Variants in MCTP2 observed in about 807,000 individuals in gnomAD.
The protein encoded by MCTP2 is multiple C2 and transmembrane domain containing 2.
A neutral mutation model predicts 111.6 loss-of-function variants in MCTP2; 132 were observed. The observed-to-expected ratio is 1.18, with a 90% confidence interval of 1.03 to 1.37. MCTP2 has a LOEUF of 1.37. Ranked by LOEUF, MCTP2 falls within the 40% of genes most tolerant of loss-of-function variation. The pLI is 0.00. For synonymous variants in MCTP2, 395 were observed against 387.7 expected, an observed-to-expected ratio of 1.02 and a Z score of -0.22; for missense variants, 1,183 against 1,067.9, an observed-to-expected ratio of 1.11 and a Z score of -1.50.
At chr15:94,344,472 G>A (rs1292092574) in intron 7 of MCTP2, among the ~76,000 whole-genome samples, 1 of 152,218 alleles carries the variant, frequency 6.6e-6, no homozygotes, top group Non-Finnish European at 1.5e-5. Flanking sequence ...GGTGACAGGA[G>A]TGATGAGAGG....
At chr15:94,459,653 TAATATA>T (rs142133018) in intron 20 of MCTP2, among the ~76,000 whole-genome samples, 2 of 152,332 alleles carry the variant, frequency 1.3e-5, no homozygotes, top group Non-Finnish European at 2.9e-5. Context: ...TCAAAATGTT[TAATATA>T]AACATATTTG....
At chr15:94,365,221 T>C (rs948017363) in intron 10 of MCTP2, among the ~76,000 whole-genome samples, 5 of 152,214 alleles carry the variant, frequency 3.3e-5, no homozygotes, top group African/African-American at 1.2e-4. Flanking sequence ...AAAGTACAAG[T>C]AAATATTTGG....
At chr15:94,476,602 TGACAGATAGATA>T (rs1475314031) in intron 21 of MCTP2, 82 bp from the exon 22 acceptor site, 10 of 711,750 alleles carry the variant, frequency 1.4e-5, no homozygotes, top group South Asian at 5.4e-5. Flanking sequence ...GATGATTGAC[TGACAGATAGATA>T]GATAGATAGA....
At chr15:94,248,239 A>G (rs2072156888) in intron 1 of MCTP2, among the ~76,000 whole-genome samples, 1 of 152,184 alleles carries the variant, frequency 6.6e-6, no homozygotes, top group Non-Finnish European at 1.5e-5. Context: ...TTGAATAAGG[A>G]AACAAAATCC....
Position 94,479,136 on chromosome 15 carries a change from C to T in MCTP2, c.*102C>T, listed in dbSNP as rs111449951. 8.7e-7 allele frequency: 1 copy of T among 1,151,454 alleles called. No homozygotes were observed. Among genetic ancestry groups the T allele is most frequent in the South Asian group, 1.3e-5 (1 of 79,928 alleles). 71.3% of individuals were successfully genotyped at this position (1,151,454 alleles called of 1,614,324 possible). ...GTACCCAAGGTGTCCTTCTGAAATG[C>T]ATGCCCTGTGGCACCCTCTGTATAC... On this transcript the variant is annotated 3_prime_UTR_variant, in exon 23 of 23. Coordinates refer to ENST00000357742, the MANE Select transcript of MCTP2 (RefSeq NM_001385001.1).
chr15:94,285,751 A>C (rs753885810), intron 1 of MCTP2, among the ~76,000 whole-genome samples: 1 of 152,178 alleles, frequency 6.6e-6, no homozygotes, highest in Non-Finnish European at 1.5e-5. Flanking sequence ...GGAATGACTG[A>C]AAAAGAGGTA....
intron 19 of MCTP2, among the ~76,000 whole-genome samples, chr15:94,450,956 C>T (rs1222013028): frequency 6.6e-6 from 1 of 152,234 alleles, no homozygotes; most frequent in Admixed American, 6.5e-5. Flanking sequence ...TGTTAATTCT[C>T]TGCCTGAGGC....
At chr15:94,265,910 A>T (rs1457524341) in intron 1 of MCTP2, among the ~76,000 whole-genome samples, 3 of 152,246 alleles carry the variant, frequency 2.0e-5, no homozygotes, top group African/African-American at 2.4e-5. Flanking sequence ...CATTTCAGAA[A>T]GCTCACGCTG....
At chr15:94,394,123 A>T (rs1406093057) in intron 14 of MCTP2, among the ~76,000 whole-genome samples, 2 of 152,030 alleles carry the variant, frequency 1.3e-5, no homozygotes, top group East Asian at 3.9e-4. Flanking sequence ...GATTTATTCA[A>T]TTATGATCAT....
chr15:94,318,783 G>A (rs562800815), intron 4 of MCTP2, among the ~76,000 whole-genome samples: 30 of 152,232 alleles, frequency 2.0e-4, no homozygotes, highest in South Asian at 8.3e-4. Flanking sequence ...TGCACACATC[G>A]GAAAATGATA....
Position 94,309,092 on chromosome 15 carries a change from A to G in MCTP2, c.466-5190A>G, listed in dbSNP as rs79389396. On this transcript the variant is annotated intron_variant, in intron 2 of 22. Coordinates refer to ENST00000357742, the MANE Select transcript of MCTP2 (RefSeq NM_001385001.1). The stretch of plus-strand genomic sequence containing the variant: ...TGAAAAGTGGTACAAAAAAATAAGA[A>G]CAGACTTGGCCGTTTAGTAGGCTTG... Among the ~76,000 whole-genome samples the G allele has an allele frequency of 1.3e-3, 201 of 152,310 alleles. 1 individual carries two copies. In the East Asian group the frequency reaches 0.027, roughly 21 times the overall value.
chr15:94,272,732 T>A (rs2073972501), intron 1 of MCTP2, among the ~76,000 whole-genome samples: 1 of 151,582 alleles, frequency 6.6e-6, no homozygotes, highest in Non-Finnish European at 1.5e-5. Context: ...AACACCATAT[T>A]TTTTTTTCCC....
chr15:94,322,102 T>C (rs958909803), intron 4 of MCTP2, among the ~76,000 whole-genome samples: 2 of 152,206 alleles, frequency 1.3e-5, no homozygotes, highest in Non-Finnish European at 2.9e-5. Flanking sequence ...AATGCATGTT[T>C]TCAAGAGTCA....
At chr15:94,265,432 T>C (rs1269531147) in intron 1 of MCTP2, among the ~76,000 whole-genome samples, 1 of 152,214 alleles carries the variant, frequency 6.6e-6, no homozygotes, top group Non-Finnish European at 1.5e-5. Context: ...TGCTTTTGGT[T>C]CATGGCACTC....
At chr15:94,410,725 G>C (rs886671792) in intron 17 of MCTP2, among the ~76,000 whole-genome samples, 4 of 152,194 alleles carry the variant, frequency 2.6e-5, no homozygotes, top group African/African-American at 9.6e-5. Flanking sequence ...TTACTGCTTA[G>C]GATAATGTTG....
At chr15:94,456,027 A>G (rs2084815687) in intron 19 of MCTP2, among the ~76,000 whole-genome samples, 1 of 152,240 alleles carries the variant, frequency 6.6e-6, no homozygotes. Flanking sequence ...AAAATAATGT[A>G]TTTGTGAAAT....
intron 1 of MCTP2, chr15:94,273,870 T>G (rs2074044947): frequency 4.3e-6 from 1 of 230,428 alleles, no homozygotes; most frequent in South Asian, 8.3e-5. Context: ...GGCCTTCACT[T>G]GAGCAAGGTG....
chr15:94,469,575 A>G (rs1596838542), intron 20 of MCTP2, among the ~76,000 whole-genome samples: 1 of 152,330 alleles, frequency 6.6e-6, no homozygotes, highest in East Asian at 1.9e-4. Context: ...GCCATGTAAT[A>G]CAGTCCTCCC....
intron 19 of MCTP2, 37 bp downstream of exon 19, chr15:94,442,997 A>C (rs367864323): frequency 6.3e-7 from 1 of 1,590,032 alleles, no homozygotes; most frequent in Non-Finnish European, 8.6e-7. Flanking sequence ...ACAAAAAAAC[A>C]CTAGTGTTGT....
Sources: allele counts gnomAD v4.1 joint callset (sites outside exome capture counted in the v4.1 genomes callset), GRCh38; gene constraint gnomAD v4.1.1; transcripts MANE v1.5; gene names NCBI Gene and HGNC (gene_info 2026-07-23, HGNC 2026-07-21).